The following AKR1B10 variants were observed in gnomAD, a reference collection of about 807,000 sequenced individuals.
AKR1B10 encodes the protein ARP.
In AKR1B10, 39 loss-of-function variants were observed where a neutral mutation model predicts 38.9. The ratio of observed to expected loss-of-function variants is 1.00; its 90% CI spans 0.78 to 1.31. The LOEUF is 1.31. Among genes scored for constraint, AKR1B10 ranks in the 50% most tolerant of loss-of-function variants. The pLI is 0.00. For missense variants in AKR1B10, 361 were observed against 382.6 expected (o/e 0.94, Z 0.47); for synonymous variants, 148 against 141.2 (o/e 1.05, Z -0.34).
At chr7:134,539,493 C>T (rs773417693) in intron 9 of AKR1B10, among the ~76,000 whole-genome samples, 11 of 152,008 alleles carry the variant, frequency 7.2e-5, no homozygotes, top group East Asian at 1.9e-4. Context: ...GGATAGGAAG[C>T]GGTGGGTGGT....
chr7:134,527,725 AATCCCAG>A lies in AKR1B10; in HGVS notation c.-186_-180del. On this transcript the variant is annotated 5_prime_UTR_variant, in exon 1 of 10. Transcript: ENST00000359579. ...GCTGGGAGTCACGGTGGGCGCCTGTAATCCCAGCTACTCGGGAGGCTGAGGCAGGAGA... is the reference window on the plus strand; with the variant it reads ...GCTGGGAGTCACGGTGGGCGCCTGTACTACTCGGGAGGCTGAGGCAGGAGA... The A allele has an allele frequency of 1.9e-6, 1 of 527,444 alleles. No homozygotes were observed. The highest frequency in any genetic ancestry group is 3.7e-5 in the South Asian group (1 of 27,326). The allele number at this position is 527,444 out of a possible 1,614,324, so 32.7% of individuals were successfully genotyped here.
At chr7:134,538,854 T>A (rs374079727) in intron 8 of AKR1B10, 81 bp from the exon 9 acceptor site, 2 of 1,519,642 alleles carry the variant, frequency 1.3e-6, no homozygotes, top group African/African-American at 1.4e-5. Context: ...GTGAGCTCCC[T>A]CCCTGCTAGA....
At chr7:134,538,003 G>A in intron 7 of AKR1B10, 191 bp from the exon 8 acceptor site, 1 of 656,838 alleles carries the variant, frequency 1.5e-6, no homozygotes, top group East Asian at 2.7e-5. Flanking sequence ...AAGATCACAG[G>A]GTTGTCTCTA....
At chr7:134,537,725 C>G in intron 7 of AKR1B10, 64 bp downstream of exon 7, 2 of 1,580,570 alleles carry the variant, frequency 1.3e-6, no homozygotes, top group Non-Finnish European at 1.7e-6. Flanking sequence ...GTTTCATATC[C>G]TGTGTTGTCC....
At chr7:134,538,685 G>C (rs1808075870) in intron 8 of AKR1B10, among the ~76,000 whole-genome samples, 1 of 152,162 alleles carries the variant, frequency 6.6e-6, no homozygotes, top group Non-Finnish European at 1.5e-5. Context: ...CAGGGCCTGT[G>C]CACGCCTGGG....
chr7:134,527,800 C>A lies in AKR1B10; in HGVS notation c.-112C>A, dbSNP rs760807488. On this transcript the variant is annotated 5_prime_UTR_variant, in exon 1 of 10. Coordinates refer to ENST00000359579, the MANE Select transcript of AKR1B10 (RefSeq NM_020299.5). ...GACAGAGGTTGTAGTGAGCTGAGAT[C>A]GCACCACTGCACTCTAGCCTTGGCA... 2.0e-6 allele frequency: 3 copies of A among 1,491,496 alleles called. No individual in the cohort carries two copies. The South Asian group carries it at 3.6e-5, about 18-fold the overall frequency. 92.4% of individuals were successfully genotyped at this position (1,491,496 alleles called of 1,614,324 possible). A position where few individuals can be genotyped will look rare whatever the true frequency, so the allele number is the denominator to read the frequency against.
In AKR1B10 at chr7:134,537,081, A is replaced by G; in HGVS notation, c.583A>G (p.Lys195Glu). Residue 195 changes from lysine (K) to glutamate (E), a missense_variant, in exon 6 of 10, where the codon AAA (lysine) becomes GAA (glutamate). By Grantham distance (56) the Lys-to-Glu change is moderately conservative. Coordinates refer to ENST00000359579, the MANE Select transcript of AKR1B10 (RefSeq NM_020299.5). The stretch of plus-strand genomic sequence containing the variant: ...GTGTCACCCATACCTCACACAGGAG[A>G]AACTGATCCAGTACTGCCACTCCAA... ...VECHPYLTQE[K>E]LIQYCHSKGI... 2 of 1,586,936 alleles carry G rather than the reference A, an allele frequency of 1.3e-6. No homozygotes were observed. The highest frequency in any genetic ancestry group is 1.7e-4 in the Middle Eastern group (1 of 5,932).
chr7:134,539,511 C>G (rs1808095384), intron 9 of AKR1B10, among the ~76,000 whole-genome samples: 1 of 152,086 alleles, frequency 6.6e-6, no homozygotes, highest in Non-Finnish European at 1.5e-5. Flanking sequence ...GGTAGTGGGA[C>G]TGATCCTTTA....
Position 134,535,585 on chromosome 7 carries a change from C to CTTTTTTTTT in AKR1B10, c.430-1050_430-1042dup, listed in dbSNP as rs58628862. 6.3e-4 allele frequency: 259 copies of CTTTTTTTTT among 410,582 alleles called. 1 individual carries two copies. Among genetic ancestry groups the CTTTTTTTTT allele is most frequent in the Admixed American group, 1.4e-3 (11 of 8,090 alleles). The allele number at this position is 410,582 out of a possible 1,614,324, so 25.4% of individuals were successfully genotyped here. On this transcript the variant is annotated intron_variant, in intron 4 of 9. Transcript: ENST00000359579. ...CTCATGTTTTTTCCCTCTTTTCTGT[C>CTTTTTTTTT]TTTTTTTTTTTTTTTTTTTTTTTCT...
At chr7:134,533,165 G>C (rs2117543084) in intron 4 of AKR1B10, 84 bp downstream of exon 4, 1 of 1,074,342 alleles carries the variant, frequency 9.3e-7, no homozygotes, top group Non-Finnish European at 1.3e-6. Flanking sequence ...ATGAGGCCAT[G>C]TGCCTGATGC....
Position 134,538,255 on chromosome 7 carries a change from C to T in AKR1B10, c.803C>T (p.Ala268Val). ...VIVIPKSVTP[A>V]RIVENIQVFD... ...GTCATCCCCAAGTCTGTGACACCAG[C>T]ACGCATTGTTGAGAACATTCAGGTA... The change falls in exon 8 of 10, where the codon GCA becomes GTA. Residue 268 changes from alanine to valine, a missense_variant. Around this residue, in one of 3 missense-constraint regions of AKR1B10, gnomAD observed 132 missense variants for 134.6 expected, o/e 0.98. Coordinates refer to ENST00000359579, the MANE Select transcript of AKR1B10 (RefSeq NM_020299.5). 1 of 1,614,074 alleles carries T rather than the reference C, an allele frequency of 6.2e-7. No individual in the cohort carries two copies. The highest frequency in any genetic ancestry group is 8.5e-7 in the Non-Finnish European group (1 of 1,179,958).
At chr7:134,534,764 A>G (rs148486618) in intron 4 of AKR1B10, among the ~76,000 whole-genome samples, 271 of 152,322 alleles carry the variant, frequency 1.8e-3, no homozygotes, top group African/African-American at 6.2e-3. Context: ...TATGTGCACA[A>G]AAACTTTTAA....
chr7:134,538,851 C>A, intron 8 of AKR1B10, 84 bp from the exon 9 acceptor site: 4 of 1,496,934 alleles, frequency 2.7e-6, no homozygotes, highest in African/African-American at 1.4e-5. Flanking sequence ...AATGTGAGCT[C>A]CCTCCCTGCT....
At chr7:134,532,854 A>T in intron 3 of AKR1B10, 150 bp from the exon 4 acceptor site, 1 of 624,822 alleles carries the variant, frequency 1.6e-6, no homozygotes, top group Non-Finnish European at 2.8e-6. Flanking sequence ...GATTTTAATT[A>T]AACTCACATT....
intron 9 of AKR1B10, among the ~76,000 whole-genome samples, chr7:134,540,695 C>G (rs911832233): frequency 6.6e-6 from 1 of 152,156 alleles, no homozygotes; most frequent in African/African-American, 2.4e-5. Context: ...ATTTAATACT[C>G]AGAACAATCC....
rs761472134 is a variant in AKR1B10 at position 134,530,668 on chromosome 7, C to T, written c.92C>T (p.Ala31Val). The T allele has an allele frequency of 3.1e-6, 5 of 1,613,974 alleles. No individual in the cohort carries two copies. The highest frequency in any genetic ancestry group is 1.7e-5 in the Admixed American group (1 of 60,012). Residue 31 changes from alanine (A) to valine (V), a missense_variant, in exon 2 of 10, where the codon GCA becomes GTA. By Grantham distance (64) the Ala-to-Val change is moderately conservative (BLOSUM62 0). This residue lies in a region of AKR1B10 where 220 missense variants were observed against 216.1 expected (regional missense o/e 1.02). Coordinates refer to ENST00000359579, the MANE Select transcript of AKR1B10 (RefSeq NM_020299.5). ...TCTCCTCTTGGCAAAGTGAAAGAAG[C>T]AGTGAAGGTGGCCATTGATGCAGGA... ...WKSPLGKVKE[A>V]VKVAIDAGYR...
intron 8 of AKR1B10, 53 bp from the exon 9 acceptor site, chr7:134,538,882 G>A: frequency 1.2e-6 from 2 of 1,607,400 alleles, no homozygotes; most frequent in South Asian, 2.2e-5. Flanking sequence ...GCAGTCTCCA[G>A]CCACAGCTAG....
chr7:134,537,662 G>A lies in AKR1B10; in HGVS notation c.741+1G>A, dbSNP rs578135340. ...AAAGCACAAAAAAACCGCAGCCCAG[G>A]TGCCATATTTTTATTTTTCTTGTTA... On this transcript the variant is annotated splice_donor_variant, in intron 7 of 9. Coordinates refer to ENST00000359579, the MANE Select transcript of AKR1B10 (RefSeq NM_020299.5). LOFTEE classifies it high-confidence loss of function. 3.1e-6 allele frequency: 5 copies of A among 1,614,050 alleles called. No individual in the cohort carries two copies. The highest frequency in any genetic ancestry group is 1.1e-5 in the South Asian group (1 of 91,078).
intron 9 of AKR1B10, 100 bp from the exon 10 acceptor site, chr7:134,540,947 A>T: frequency 2.3e-6 from 2 of 876,864 alleles, no homozygotes; most frequent in South Asian, 2.8e-5. Context: ...AGAGAGCACA[A>T]ATATGATAGA....
Sources: allele counts gnomAD v4.1 joint callset (sites outside exome capture counted in the v4.1 genomes callset), GRCh38; gene constraint gnomAD v4.1.1; regional missense constraint gnomAD v4.1.1; transcripts MANE v1.5; gene names NCBI Gene and HGNC (gene_info 2026-07-23, HGNC 2026-07-21).